LRRC4C: variants seen among roughly 807,000 people sequenced by gnomAD.
LRRC4C encodes the protein leucine-rich repeat-containing protein 4C.
A neutral mutation model predicts 33.6 loss-of-function variants in LRRC4C; 5 were observed. The ratio of observed to expected loss-of-function variants is 0.15; its 90% CI spans 0.08 to 0.31. The LOEUF is 0.31. LRRC4C is among the 10% of genes least tolerant of loss of function. LRRC4C has a pLI of 1.00. For missense variants in LRRC4C, 560 were observed against 796.7 expected (o/e 0.70, Z 3.58); for synonymous variants, 329 against 302.0 (o/e 1.09, Z -0.93).
chr11:40,331,977 A>G (rs1353290187), intron 3 of LRRC4C, among the ~76,000 whole-genome samples: 1 of 152,244 alleles, frequency 6.6e-6, no homozygotes, highest in East Asian at 1.9e-4. Context: ...AACCCTAGTG[A>G]ATACAGGTAA....
At chr11:40,502,647 G>A (rs767111605) in intron 3 of LRRC4C, among the ~76,000 whole-genome samples, 1 of 152,062 alleles carries the variant, frequency 6.6e-6, no homozygotes, top group African/African-American at 2.4e-5. Context: ...CCCACAACAC[G>A]TGAGAATTAT....
intron 1 of LRRC4C, among the ~76,000 whole-genome samples, chr11:41,402,399 A>G (rs1191952308): frequency 6.6e-6 from 1 of 152,022 alleles, no homozygotes; most frequent in Non-Finnish European, 1.5e-5. Flanking sequence ...GTTAATCAGA[A>G]TCCACTTAAA....
intron 1 of LRRC4C, among the ~76,000 whole-genome samples, chr11:41,263,806 G>A (rs974018967): frequency 1.3e-5 from 2 of 151,950 alleles, no homozygotes; most frequent in South Asian, 2.1e-4. Flanking sequence ...CATATTCAAT[G>A]CATAAAAAAA....
At chr11:40,335,586 A>G (rs1297243717) in intron 3 of LRRC4C, among the ~76,000 whole-genome samples, 1 of 152,252 alleles carries the variant, frequency 6.6e-6, no homozygotes, top group Non-Finnish European at 1.5e-5. Context: ...TTTAGTTATG[A>G]CAATTGTTAG....
intron 2 of LRRC4C, among the ~76,000 whole-genome samples, chr11:40,752,121 T>C (rs1275003381): frequency 2.6e-5 from 4 of 152,082 alleles, no homozygotes; most frequent in Non-Finnish European, 5.9e-5. Flanking sequence ...TGAGAAGACT[T>C]AATGTTAAAA....
At chr11:40,123,009 T>G (rs1187498500) in intron 6 of LRRC4C, among the ~76,000 whole-genome samples, 1 of 150,960 alleles carries the variant, frequency 6.6e-6, no homozygotes, top group East Asian at 2.0e-4. Context: ...TTATCTGTTT[T>G]GGGAGAGACT....
chr11:41,112,416 A>G (rs1264924860), intron 1 of LRRC4C, among the ~76,000 whole-genome samples: 1 of 152,066 alleles, frequency 6.6e-6, no homozygotes, highest in Non-Finnish European at 1.5e-5. Flanking sequence ...GATGCTGTCT[A>G]TTAGGTGGGC....
intron 3 of LRRC4C, among the ~76,000 whole-genome samples, chr11:40,547,382 C>T (rs1035324731): frequency 2.0e-5 from 3 of 151,962 alleles, no homozygotes; most frequent in Non-Finnish European, 4.4e-5. Flanking sequence ...TATTTTAATG[C>T]CTCCTATTGC....
At chr11:41,033,504 GGGTGACCATTTCATCCT>G (rs531204132) in intron 1 of LRRC4C, among the ~76,000 whole-genome samples, 227 of 152,124 alleles carry the variant, frequency 1.5e-3, no homozygotes, top group Non-Finnish European at 2.3e-3. Context: ...ATTATATACA[GGGTGACCATTTCATCCT>G]GGTTCACCTG....
In LRRC4C at chr11:41,378,036, G is replaced by T. The variant is rs1429325111; in HGVS notation, c.-496+81395C>A. The stretch of plus-strand genomic sequence containing the variant: ...AGTGCTTCAGAAAGGCGGGCAGTGG[G>T]GGTAGCACAAAAGAGAGAAAAACAA... On this transcript the variant is annotated intron_variant, in intron 1 of 6. Transcript: ENST00000528697. 3.9e-5 allele frequency among the ~76,000 whole-genome samples: 6 copies of T among 152,072 alleles called. No homozygotes were observed. The East Asian group carries it at 1.2e-3, about 29-fold the overall frequency.
chr11:40,643,666 A>G (rs749540544), intron 3 of LRRC4C, among the ~76,000 whole-genome samples: 1 of 152,150 alleles, frequency 6.6e-6, no homozygotes, highest in Non-Finnish European at 1.5e-5. Flanking sequence ...ACAAGTTGGT[A>G]ATAGTTACAA....
chr11:41,452,583 T>G (rs1956061257), intron 1 of LRRC4C, among the ~76,000 whole-genome samples: 1 of 152,002 alleles, frequency 6.6e-6, no homozygotes, highest in Admixed American at 6.6e-5. Context: ...AAGCAATGAG[T>G]TTAATGGCTC....
chr11:40,304,904 A>G (rs1402209641), intron 4 of LRRC4C, among the ~76,000 whole-genome samples: 1 of 152,112 alleles, frequency 6.6e-6, no homozygotes, highest in Non-Finnish European at 1.5e-5. Flanking sequence ...AGCTAGGATT[A>G]CAGGTGCGTG....
chr11:40,425,355 C>T (rs938433403), intron 3 of LRRC4C, among the ~76,000 whole-genome samples: 22 of 152,182 alleles, frequency 1.4e-4, no homozygotes, highest in Admixed American at 1.3e-4. Flanking sequence ...TATGCACACT[C>T]TTGCCAGGAC....
At chr11:40,400,114 G>A (rs1474627678) in intron 3 of LRRC4C, among the ~76,000 whole-genome samples, 1 of 152,056 alleles carries the variant, frequency 6.6e-6, no homozygotes, top group African/African-American at 2.4e-5. Flanking sequence ...AATAGGTTGA[G>A]AGGAGAAATG....
At chr11:40,365,016 A>G (rs781518586) in intron 3 of LRRC4C, among the ~76,000 whole-genome samples, 6 of 151,856 alleles carry the variant, frequency 4.0e-5, no homozygotes, top group Non-Finnish European at 7.4e-5. Context: ...TAAAATTCTT[A>G]ATAGTATTCA....
At chr11:41,384,413 A>G (rs1173185812) in intron 1 of LRRC4C, among the ~76,000 whole-genome samples, 1 of 151,864 alleles carries the variant, frequency 6.6e-6, no homozygotes, top group African/African-American at 2.4e-5. Context: ...ACAGTAGAAT[A>G]TAAAGCCATA....
At chr11:40,327,154 A>G (rs1042155248) in intron 3 of LRRC4C, among the ~76,000 whole-genome samples, 1 of 152,176 alleles carries the variant, frequency 6.6e-6, no homozygotes, top group African/African-American at 2.4e-5. Context: ...CGCTAACTGG[A>G]GCCTCTCTCA....
At chr11:41,413,464 A>T (rs1253758043) in intron 1 of LRRC4C, among the ~76,000 whole-genome samples, 1 of 152,196 alleles carries the variant, frequency 6.6e-6, no homozygotes, top group East Asian at 1.9e-4. Context: ...TGTGATTAAA[A>T]TTATCATTAT....
Sources: allele counts gnomAD v4.1 joint callset (sites outside exome capture counted in the v4.1 genomes callset), GRCh38; gene constraint gnomAD v4.1.1; transcripts MANE v1.5; gene names NCBI Gene and HGNC (gene_info 2026-07-23, HGNC 2026-07-21).